LUC7L2: variants seen among roughly 807,000 people sequenced by gnomAD.
LUC7L2 encodes the protein putative RNA-binding protein Luc7-like 2.
In LUC7L2, 25 loss-of-function variants were observed where a neutral mutation model predicts 52.8. The ratio of observed to expected loss-of-function variants is 0.47; its 90% confidence interval spans 0.34 to 0.66. The LOEUF is 0.66. LUC7L2 is among the 30% of genes least tolerant of loss of function. LUC7L2 has a pLI of 0.01. For missense variants in LUC7L2, 328 were observed against 497.8 expected (o/e 0.66, Z 3.25); for synonymous variants, 144 against 160.9 (o/e 0.89, Z 0.80).
chr7:139,381,150 CAAT>C (rs1800991393), intron 2 of LUC7L2, among the ~76,000 whole-genome samples: 1 of 150,828 alleles, frequency 6.6e-6, no homozygotes, highest in Admixed American at 6.6e-5. Context: ...TTAAATGTCT[CAAT>C]AAAAAAAAAC....
chr7:139,352,338 T>TAAAAAA (rs1799483728), intron 1 of LUC7L2, among the ~76,000 whole-genome samples: 1 of 151,748 alleles, frequency 6.6e-6, no homozygotes, highest in African/African-American at 2.4e-5. Context: ...AAAATAAAAA[T>TAAAAAA]AAAAAAATTA....
chr7:139,386,697 C>T (rs59598670), intron 2 of LUC7L2, among the ~76,000 whole-genome samples: 4,607 of 151,528 alleles, frequency 0.03, 251 homozygotes, highest in African/African-American at 0.1. Flanking sequence ...TGAGCCACCA[C>T]GCCCGGCCAC....
At chr7:139,393,267 C>CA (rs1174139688) in intron 2 of LUC7L2, among the ~76,000 whole-genome samples, 1 of 151,344 alleles carries the variant, frequency 6.6e-6, no homozygotes, top group African/African-American at 2.4e-5. Context: ...ACTCTGTCTC[C>CA]AAAAAATTAG....
intron 4 of LUC7L2, among the ~76,000 whole-genome samples, chr7:139,403,745 T>A (rs1009069467): frequency 5.9e-5 from 9 of 152,244 alleles, no homozygotes; most frequent in Non-Finnish European, 1.2e-4. Flanking sequence ...TGATTTAGGC[T>A]GAACTTGACT....
chr7:139,407,985 C>G (rs1170419706), intron 6 of LUC7L2, among the ~76,000 whole-genome samples: 1 of 152,082 alleles, frequency 6.6e-6, no homozygotes, highest in African/African-American at 2.4e-5. Flanking sequence ...AATCTATTTA[C>G]CTTTTAATAT....
At chr7:139,419,997 T>C (rs1267380983) in intron 9 of LUC7L2, among the ~76,000 whole-genome samples, 1 of 152,216 alleles carries the variant, frequency 6.6e-6, no homozygotes. Context: ...AAGTTCTTAT[T>C]GAAAGCCTTT....
chr7:139,368,522 T>C (rs1800278851), intron 1 of LUC7L2, among the ~76,000 whole-genome samples: 1 of 152,156 alleles, frequency 6.6e-6, no homozygotes, highest in African/African-American at 2.4e-5. Context: ...GTGGATCACC[T>C]GAGGTCAGGA....
At chr7:139,360,564 GGA>G (rs1346665358) in intron 1 of LUC7L2, among the ~76,000 whole-genome samples, 4 of 152,194 alleles carry the variant, frequency 2.6e-5, no homozygotes, top group Admixed American at 2.0e-4. Flanking sequence ...GAGGCAGAAA[GGA>G]GAGTTTGTGC....
At chr7:139,407,374 C>T in intron 6 of LUC7L2, 24 bp downstream of exon 6, 2 of 1,591,160 alleles carry the variant, frequency 1.3e-6, no homozygotes, top group Non-Finnish European at 1.7e-6. Context: ...ATATTCCTCA[C>T]TTTATCCTCT....
Position 139,402,180 on chromosome 7 carries a change from G to T in LUC7L2, c.299G>T (p.Arg100Ile). Residue 100 changes from arginine (R) to isoleucine (I), a missense_variant, in exon 4 of 10, where the codon AGA becomes ATA. By Grantham distance (97) the Arg-to-Ile change is moderately conservative. Coordinates refer to ENST00000354926, the MANE Select transcript of LUC7L2 (RefSeq NM_016019.5). The stretch of plus-strand genomic sequence containing the variant: ...TCATTCATTGCAGATTGTGATCGTA[G>T]AACAGAAGTGGCCAAGAAAAGATTA... ...LQSFIADCDRRTEVAKKRLAE... is the reference protein window; with the variant it reads ...LQSFIADCDRITEVAKKRLAE... 1 of 1,610,222 alleles carries T rather than the reference G, an allele frequency of 6.2e-7. No homozygotes were observed. The highest frequency in any genetic ancestry group is 1.1e-5 in the South Asian group (1 of 90,174).
In LUC7L2 at chr7:139,378,608, A is replaced by G. The variant is rs185662465; in HGVS notation, c.156+2452A>G. 5.0e-4 allele frequency among the ~76,000 whole-genome samples: 76 copies of G among 152,300 alleles called. 2 individuals are homozygous for G. Among genetic ancestry groups the G allele is most frequent in the Admixed American group, 2.1e-3 (32 of 15,292 alleles). ...GAAAAAAGAAAAATCAACAGTTACA[A>G]TTCAGTGTTTTTCATTCTTCATTTA... On this transcript the variant is annotated intron_variant, in intron 2 of 9. Transcript: ENST00000354926.
Position 139,346,769 on chromosome 7 carries a change from T to C in LUC7L2, c.-26+6252T>C, listed in dbSNP as rs185317946. Among the ~76,000 whole-genome samples, 31 of 152,264 alleles carry C rather than the reference T, an allele frequency of 2.0e-4. No individual in the cohort carries two copies. In the East Asian group the frequency reaches 5.4e-3, roughly 27 times the overall value. On this transcript the variant is annotated intron_variant, in intron 1 of 10. Transcript: ENST00000541170. ...GGATGGATGAGTACATAGACATCTC[T>C]TTCTGTCTCCTAATCTTGTCAAATT...
At chr7:139,376,204 A>G in intron 2 of LUC7L2, 48 bp downstream of exon 2, 1 of 1,579,296 alleles carries the variant, frequency 6.3e-7, no homozygotes. Flanking sequence ...TGCTGCAGTA[A>G]TGAACTACTT....
At chr7:139,383,017 C>G (rs1197179805) in intron 2 of LUC7L2, among the ~76,000 whole-genome samples, 1 of 152,178 alleles carries the variant, frequency 6.6e-6, no homozygotes, top group Non-Finnish European at 1.5e-5. Context: ...CCTCTGCTTC[C>G]TAGGCATAAG....
At chr7:139,372,573 G>T (rs1800507386) in intron 1 of LUC7L2, among the ~76,000 whole-genome samples, 1 of 151,888 alleles carries the variant, frequency 6.6e-6, no homozygotes, top group South Asian at 2.1e-4. Context: ...AAGAATTCCT[G>T]AAGTACTACC....
chr7:139,362,314 C>A (rs973967769), intron 1 of LUC7L2, among the ~76,000 whole-genome samples: 2 of 151,634 alleles, frequency 1.3e-5, no homozygotes, highest in Admixed American at 6.6e-5. Flanking sequence ...TCAGAACATT[C>A]TTTTTTTTCT....
intron 4 of LUC7L2, among the ~76,000 whole-genome samples, chr7:139,404,041 AG>A (rs1200616374): frequency 6.6e-6 from 1 of 152,260 alleles, no homozygotes; most frequent in Non-Finnish European, 1.5e-5. Context: ...ACAACAGTTT[AG>A]TCATTCAATG....
At chr7:139,379,549 C>CTTTT (rs539771697) in intron 2 of LUC7L2, among the ~76,000 whole-genome samples, 3 of 52,722 alleles carry the variant, frequency 5.7e-5, no homozygotes, top group African/African-American at 8.7e-5. Flanking sequence ...ATAACTAATG[C>CTTTT]TTTTTTTTTT....
At position 139,399,449 on chromosome 7, in the gene LUC7L2, A is replaced by ATTTTTTTT. The variant is rs71169090; in HGVS notation, c.255+783_255+790dup. On this transcript the variant is annotated intron_variant, in intron 3 of 9. Transcript: ENST00000354926. ...GGACATGCATATGGGTGTTTGGGGG[A>ATTTTTTTT]TTTTTTTTTTTTTTTTTTTTTTTTT... 2.1e-3 allele frequency among the ~76,000 whole-genome samples: 107 copies of ATTTTTTTT among 50,458 alleles called. 15 individuals carry two copies. The highest frequency in any genetic ancestry group is 7.1e-3 in the East Asian group (9 of 1,260). The allele number at this position is 50,458 out of a possible 152,430, so 33.1% of individuals were successfully genotyped here.
Sources: gnomAD v4.1 joint callset for allele counts (sites outside exome capture counted in the v4.1 genomes callset) on GRCh38, gnomAD v4.1.1 for gene constraint, MANE v1.5 for transcripts, NCBI Gene and HGNC (gene_info 2026-07-23, HGNC 2026-07-21) for gene names.